Variants in SVOP observed in about 807,000 individuals in gnomAD.
SVOP encodes the protein synaptic vesicle 2-related protein.
Under a neutral mutation model 69.1 loss-of-function variants are expected in SVOP, and 17 were observed. That is an observed-to-expected ratio of 0.25 (90% CI 0.17 to 0.37). The LOEUF is 0.37. SVOP is among the 10% of genes least tolerant of loss of function. The probability of loss-of-function intolerance (pLI) is 1.00; values close to 1 mark genes in which losing one functional copy is unlikely to be tolerated. For missense variants in SVOP, 435 were observed against 597.5 expected (o/e 0.73, Z 2.84); for synonymous variants, 238 against 238.6 (o/e 1.00, Z 0.02).
intron 11 of SVOP, among the ~76,000 whole-genome samples, chr12:108,924,650 A>G: frequency 6.6e-6 from 1 of 152,198 alleles, no homozygotes; most frequent in African/African-American, 2.4e-5. Flanking sequence ...TCCCTTCAAG[A>G]GAAATACCAG....
At chr12:108,962,901 G>T (rs1259935735) in intron 5 of SVOP, among the ~76,000 whole-genome samples, 3 of 152,118 alleles carry the variant, frequency 2.0e-5, no homozygotes, top group African/African-American at 4.8e-5. Context: ...GGAGGTGGAG[G>T]TTGCAGTGAG....
intron 10 of SVOP, among the ~76,000 whole-genome samples, chr12:108,934,648 C>T (rs1413026861): frequency 1.3e-5 from 2 of 152,158 alleles, no homozygotes; most frequent in Non-Finnish European, 2.9e-5. Context: ...ATCATAAAGA[C>T]CTTGCTGATA....
At chr12:108,977,295 C>A (rs1252487597) in intron 4 of SVOP, 103 bp downstream of exon 4, 17 of 1,384,594 alleles carry the variant, frequency 1.2e-5, no homozygotes, top group Admixed American at 2.1e-5. Flanking sequence ...GGGCTTAATT[C>A]TTTTCTGCTG....
In SVOP at chr12:108,920,550, A is replaced by C. The variant is rs185058340; in HGVS notation, c.1157-764T>G. Among the ~76,000 whole-genome samples, 374 of 150,320 alleles carry C rather than the reference A, an allele frequency of 2.5e-3. 3 individuals carry two copies. Among genetic ancestry groups the C allele is most frequent in the African/African-American group, 8.3e-3 (339 of 41,078 alleles). ...GTAGAGGCAGTATAGCATAGTGCTT[A>C]TTAGTAATAATAATAACTGAATTTG... On this transcript the variant is annotated intron_variant, in intron 12 of 15. Transcript: ENST00000610966.
chr12:108,962,151 T>G (rs2040021739), intron 5 of SVOP, among the ~76,000 whole-genome samples: 1 of 152,188 alleles, frequency 6.6e-6, no homozygotes, highest in Admixed American at 6.5e-5. Flanking sequence ...CGGGCTAGAG[T>G]GCAGTGGTGC....
Position 108,907,839 on chromosome 12 carries a change from C to T in SVOP, c.*4696G>A, listed in dbSNP as rs961314531. The T allele has an allele frequency of 6.6e-6, 1 of 152,218 alleles. No homozygotes were observed. The highest frequency in any genetic ancestry group is 1.5e-5 in the Non-Finnish European group (1 of 68,058). The allele number at this position is 152,218 out of a possible 1,614,324, so 9.4% of individuals were successfully genotyped here. On this transcript the variant is annotated 3_prime_UTR_variant, in exon 16 of 16. Coordinates refer to ENST00000610966, the MANE Select transcript of SVOP (RefSeq NM_018711.5). Reference sequence around the variant, plus strand: ...ATGCTGGATATTCCATGCATACTGACCACTTGCCACGTTATGATCTGTAAG... The same window carrying T: ...ATGCTGGATATTCCATGCATACTGATCACTTGCCACGTTATGATCTGTAAG...
chr12:108,970,163 A>G (rs974333408), intron 5 of SVOP, among the ~76,000 whole-genome samples: 1 of 152,202 alleles, frequency 6.6e-6, no homozygotes, highest in Non-Finnish European at 1.5e-5. Context: ...TGCATCCTCT[A>G]TGGCATTGCT....
chr12:108,975,484 G>T (rs2040101425), intron 4 of SVOP, among the ~76,000 whole-genome samples: 1 of 152,188 alleles, frequency 6.6e-6, no homozygotes, highest in African/African-American at 2.4e-5. Context: ...CTGGGCTTGT[G>T]CAAGTCAATG....
intron 8 of SVOP, among the ~76,000 whole-genome samples, chr12:108,939,507 T>C (rs1037739253): frequency 6.6e-6 from 1 of 152,158 alleles, no homozygotes; most frequent in African/African-American, 2.4e-5. Flanking sequence ...ATACATACAT[T>C]TCTGTAAAAA....
chr12:108,961,693 C>T (rs2040018610), intron 5 of SVOP, among the ~76,000 whole-genome samples: 1 of 152,100 alleles, frequency 6.6e-6, no homozygotes, highest in Non-Finnish European at 1.5e-5. Flanking sequence ...AAAGAAAAAC[C>T]ATCAACAATA....
At chr12:108,953,201 T>C (rs563379019) in intron 6 of SVOP, among the ~76,000 whole-genome samples, 1 of 136,408 alleles carries the variant, frequency 7.3e-6, no homozygotes, top group East Asian at 2.3e-4. Context: ...CAGGCTGGAG[T>C]GCAATGGCAT....
In SVOP at chr12:108,972,449, A is replaced by G; in HGVS notation, c.409T>C (p.Ser137Pro). 1 of 1,537,234 alleles carries G rather than the reference A, an allele frequency of 6.5e-7. No homozygotes were observed. The highest frequency in any genetic ancestry group is 1.2e-5 in the South Asian group (1 of 84,064). ...SVVFVGMMSSSTLWGNISDQY... is the reference protein window; with the variant it reads ...SVVFVGMMSSPTLWGNISDQY... ...TCTGAGATATTTCCCCAGAGCGTGG[A>G]GCTGGACATCATGCCTACAAAGACC... Residue 137 changes from serine to proline, a missense_variant, in exon 5 of 16, where the codon TCC becomes CCC. Transcript: ENST00000610966.
chr12:108,927,169 G>C (rs1048151012), intron 11 of SVOP, among the ~76,000 whole-genome samples: 1 of 152,096 alleles, frequency 6.6e-6, no homozygotes, highest in Non-Finnish European at 1.5e-5. Flanking sequence ...TGAGGAACTG[G>C]TGTAGGAAAA....
chr12:109,005,716 A>G lies in SVOP; in HGVS notation c.35+15118T>C, dbSNP rs11065620. 3.7e-4 allele frequency among the ~76,000 whole-genome samples: 56 copies of G among 152,308 alleles called. No homozygotes were observed. The East Asian group carries it at 8.7e-3, about 24-fold the overall frequency. ...TACAGATGATAAAACTGAGGCCTAAAGAAAAAAAGTGAGTGATCAGAAAAG... is the reference window on the plus strand; with the variant it reads ...TACAGATGATAAAACTGAGGCCTAAGGAAAAAAAGTGAGTGATCAGAAAAG... On this transcript the variant is annotated intron_variant, in intron 1 of 15. Coordinates refer to ENST00000610966, the MANE Select transcript of SVOP (RefSeq NM_018711.5).
At chr12:109,003,887 C>A (rs539073975) in intron 1 of SVOP, among the ~76,000 whole-genome samples, 1 of 152,118 alleles carries the variant, frequency 6.6e-6, no homozygotes, top group Admixed American at 6.5e-5. Context: ...GGATTACAGG[C>A]GTGAGCCACA....
chr12:109,015,258 A>C (rs2040361733), intron 1 of SVOP, among the ~76,000 whole-genome samples: 1 of 152,144 alleles, frequency 6.6e-6, no homozygotes, highest in Admixed American at 6.5e-5. Flanking sequence ...GGATAGTGAA[A>C]GAGATGAGGT....
chr12:108,961,195 C>A, intron 5 of SVOP, 148 bp from the exon 6 acceptor site: 2 of 974,836 alleles, frequency 2.1e-6, no homozygotes, highest in Non-Finnish European at 2.8e-6. Flanking sequence ...ATGGGGAGTG[C>A]CAACCCACAG....
chr12:108,919,789 G>T lies in SVOP; in HGVS notation c.1157-3C>A. On this transcript the variant is annotated splice_polypyrimidine_tract_variant and splice_region_variant and intron_variant, in intron 12 of 15. Transcript: ENST00000610966. ...AATCCACAGAGTCACAAGGACACCT[G>T]GAAGGGGAGTGGGGAGAGATAGGCA... The T allele has an allele frequency of 6.3e-7, 1 of 1,583,026 alleles. No individual in the cohort carries two copies. Among genetic ancestry groups the T allele is most frequent in the Non-Finnish European group, 8.6e-7 (1 of 1,163,464 alleles).
At chr12:108,943,593 GT>G (rs2039905031) in intron 7 of SVOP, among the ~76,000 whole-genome samples, 3 of 76,546 alleles carry the variant, frequency 3.9e-5, no homozygotes, top group African/African-American at 1.3e-4. Flanking sequence ...GAGAAACTCT[GT>G]CTCACAAAAA....
Sources: allele counts gnomAD v4.1 joint callset (sites outside exome capture counted in the v4.1 genomes callset), GRCh38; gene constraint gnomAD v4.1.1; transcripts MANE v1.5; gene names NCBI Gene and HGNC (gene_info 2026-07-23, HGNC 2026-07-21).